The following UNKL variants were observed in gnomAD, a reference collection of about 807,000 sequenced individuals.
UNKL encodes putative E3 ubiquitin-protein ligase UNKL.
In UNKL, 60 loss-of-function variants were observed where a neutral mutation model predicts 78.0. The observed-to-expected ratio is 0.77, with a 90% CI of 0.63 to 0.95. The LOEUF (loss-of-function observed/expected upper bound fraction) is 0.95. Among genes scored for constraint, UNKL ranks in the 40% least tolerant of loss-of-function variants. The pLI is 0.00. For synonymous variants in UNKL, 608 were observed against 474.8 expected (o/e 1.28, Z -3.65); for missense variants, 1,159 against 1,045.7 (o/e 1.11, Z -1.49).
intron 10 of UNKL, among the ~76,000 whole-genome samples, chr16:1,380,887 CTA>C (rs1164299364): frequency 6.6e-6 from 1 of 152,054 alleles, no homozygotes; most frequent in Admixed American, 6.5e-5. Context: ...GTTGGTCAGG[CTA>C]GTCTTGAACT....
chr16:1,391,213 C>G (rs2037034230), intron 8 of UNKL, among the ~76,000 whole-genome samples: 2 of 148,476 alleles, frequency 1.3e-5, no homozygotes, highest in Admixed American at 1.3e-4. Context: ...TGTACCTATT[C>G]AGCAGTACTC....
chr16:1,394,426 C>T (rs1209984451), intron 6 of UNKL: 6 of 696,920 alleles, frequency 8.6e-6, no homozygotes, highest in Non-Finnish European at 1.0e-5. Context: ...AACACGCACA[C>T]ATGTGGGGCC....
intron 9 of UNKL, among the ~76,000 whole-genome samples, chr16:1,388,963 C>T (rs2036932042): frequency 6.6e-6 from 1 of 152,174 alleles, no homozygotes; most frequent in South Asian, 2.1e-4. Flanking sequence ...GCATGAATTC[C>T]ATCCACACCG....
intron 3 of UNKL, among the ~76,000 whole-genome samples, chr16:1,402,962 A>G (rs2037595253): frequency 6.6e-6 from 1 of 152,218 alleles, no homozygotes; most frequent in South Asian, 2.1e-4. Flanking sequence ...GCTGCACTCC[A>G]GCCTGGGTGA....
chr16:1,398,975 G>A (rs747765679), intron 5 of UNKL: 2 of 1,501,576 alleles, frequency 1.3e-6, no homozygotes, highest in Non-Finnish European at 1.8e-6. Flanking sequence ...GGTGACGACA[G>A]TGCCTGAGCC....
At chr16:1,380,445 G>T (rs1055158121) in intron 10 of UNKL, among the ~76,000 whole-genome samples, 1 of 152,136 alleles carries the variant, frequency 6.6e-6, no homozygotes, top group African/African-American at 2.4e-5. Flanking sequence ...AGTGCCCTGG[G>T]GTCAGCGGGC....
chr16:1,396,609 C>T (rs901813973), intron 6 of UNKL, among the ~76,000 whole-genome samples: 23 of 150,924 alleles, frequency 1.5e-4, no homozygotes, highest in African/African-American at 3.9e-4. Context: ...TCTTTTTTTT[C>T]CTGAGGCAGA....
Position 1,403,237 on chromosome 16 carries a change from AC to A in UNKL, c.394del (p.Val132Ter). 1 of 1,614,122 alleles carries A rather than the reference AC, an allele frequency of 6.2e-7. No individual in the cohort carries two copies. Among genetic ancestry groups the A allele is most frequent in the South Asian group, 1.1e-5 (1 of 91,086 alleles). ...GAAGGCACAGTGCAGCCCATTCTTC[AC>A]GCAGTGGCCACGTGCGTCTGTCTCG... is the stretch of plus-strand genomic sequence containing the variant. ...IHETDARGHC[V>X]KNGLHCAFAH... On this transcript the variant is annotated frameshift_variant, in exon 3 of 15. Transcript: ENST00000389221. LOFTEE classifies it high-confidence loss of function. The surrounding 1 kb of genome is among the most constrained non-coding windows in gnomAD (Gnocchi z 4.8).
intron 3 of UNKL, among the ~76,000 whole-genome samples, chr16:1,402,571 G>T (rs1286484656): frequency 6.6e-6 from 1 of 152,136 alleles, no homozygotes; most frequent in African/African-American, 2.4e-5. Context: ...GCTGAGGCAC[G>T]AGAATGGCGT....
At chr16:1,379,741 C>T in intron 10 of UNKL, 2 of 949,382 alleles carry the variant, frequency 2.1e-6, no homozygotes, top group Non-Finnish European at 2.5e-6. Flanking sequence ...GACTCGGCCC[C>T]GCCCCCGTCG....
chr16:1,368,649 C>T (rs1268088442), intron 12 of UNKL, among the ~76,000 whole-genome samples: 2 of 149,470 alleles, frequency 1.3e-5, no homozygotes, highest in African/African-American at 2.5e-5. Context: ...GCCTGTCATC[C>T]CAGCACTTTG....
In UNKL at chr16:1,371,660, C is replaced by T. The variant is rs568964213; in HGVS notation, c.1265-49G>A. On this transcript the variant is annotated intron_variant, in intron 10 of 14. Coordinates refer to ENST00000389221, the MANE Select transcript of UNKL (RefSeq NM_001372107.1). ...CCACAGCCCACCCAGCGCTGCAGAGCTCAGGAAGCCTAGCTGAGGAGGACG... is the reference window on the plus strand; with the variant it reads ...CCACAGCCCACCCAGCGCTGCAGAGTTCAGGAAGCCTAGCTGAGGAGGACG... 1,309 of 1,521,798 alleles carry T rather than the reference C, an allele frequency of 8.6e-4. 7 individuals are homozygous for T. The Middle Eastern group carries it at 0.018, about 20-fold the overall frequency. The allele number at this position is 1,521,798 out of a possible 1,614,324, so 94.3% of individuals were successfully genotyped here.
At chr16:1,390,927 G>C (rs1444410295) in intron 8 of UNKL, among the ~76,000 whole-genome samples, 2 of 152,134 alleles carry the variant, frequency 1.3e-5, no homozygotes, top group African/African-American at 4.8e-5. Context: ...CTCCTCGAGA[G>C]GCTGAGGCAA....
rs373794471 is a variant in UNKL at position 1,367,483 on chromosome 16, GCCCTCCCTCCCTCCCTCCCT to G, written c.1788+153_1789-135del. 118 of 568,850 alleles carry G rather than the reference GCCCTCCCTCCCTCCCTCCCT, an allele frequency of 2.1e-4. 1 individual carries two copies. In the East Asian group the frequency reaches 3.4e-3, roughly 16 times the overall value. The allele number at this position is 568,850 out of a possible 1,614,324, so 35.2% of individuals were successfully genotyped here. On this transcript the variant is annotated intron_variant, in intron 13 of 14. Coordinates refer to ENST00000389221, the MANE Select transcript of UNKL (RefSeq NM_001372107.1). ...GGCCCCCTCACCTGAGACCCCTGCG[GCCCTCCCTCCCTCCCTCCCT>G]CCCTCCCTCCCCCTCCCGTCTCACC... is the stretch of plus-strand genomic sequence containing the variant.
intron 13 of UNKL, 46 bp downstream of exon 13, chr16:1,367,610 G>T: frequency 8.0e-7 from 1 of 1,249,596 alleles, no homozygotes. Flanking sequence ...TGAGTCCCCT[G>T]CGGCCCTCCC....
chr16:1,396,929 C>CCAG, intron 6 of UNKL: 1 of 520,946 alleles, frequency 1.9e-6, no homozygotes. Flanking sequence ...TGCTTTTTTC[C>CCAG]CACATGACTC....
At chr16:1,379,571 C>G (rs1257230018) in intron 10 of UNKL, 1 of 985,342 alleles carries the variant, frequency 1.0e-6, no homozygotes. Flanking sequence ...CCGCTCCTGA[C>G]CGCCGAGTAA....
intron 5 of UNKL, chr16:1,398,461 T>C (rs2142180007): frequency 8.7e-7 from 1 of 1,149,108 alleles, no homozygotes; most frequent in East Asian, 6.3e-5. Context: ...GGTCCTTTAC[T>C]CGGAAGCTGC....
intron 5 of UNKL, chr16:1,398,679 G>GCCGCCC: frequency 2.1e-5 from 28 of 1,356,034 alleles, no homozygotes; most frequent in Non-Finnish European, 2.6e-5. Flanking sequence ...TGTGGGGTCT[G>GCCGCCC]CACCCCCCCA....
Sources: gnomAD v4.1 joint callset for allele counts (sites outside exome capture counted in the v4.1 genomes callset) on GRCh38, gnomAD v4.1.1 for gene constraint, Gnocchi (gnomAD v3.1) non-coding constraint, MANE v1.5 for transcripts, NCBI Gene and HGNC (gene_info 2026-07-23, HGNC 2026-07-21) for gene names.